Variants in SIK3 observed in about 807,000 individuals in gnomAD.
The protein encoded by SIK3 is SIK family kinase 3.
In SIK3, 28 loss-of-function variants were observed where a neutral mutation model predicts 144.2. The ratio of observed to expected loss-of-function variants is 0.19; its 90% CI spans 0.14 to 0.27. SIK3 has a LOEUF of 0.27. Ranked by LOEUF, SIK3 falls within the 10% of genes least tolerant of loss-of-function variation. SIK3 has a pLI of 1.00. For synonymous variants in SIK3, 686 were observed against 676.3 expected, an observed-to-expected ratio of 1.01 and a Z score of -0.22; for missense variants, 1,319 against 1,776.0, an observed-to-expected ratio of 0.74 and a Z score of 4.62.
At chr11:116,895,447 G>A (rs1313116548) in intron 6 of SIK3, among the ~76,000 whole-genome samples, 3 of 152,188 alleles carry the variant, frequency 2.0e-5, no homozygotes, top group Admixed American at 2.0e-4. Context: ...TCAGTTCAAA[G>A]GAGCCAAGTT....
chr11:117,069,691 T>C (rs1186225158), intron 1 of SIK3, among the ~76,000 whole-genome samples: 1 of 152,148 alleles, frequency 6.6e-6, no homozygotes, highest in Non-Finnish European at 1.5e-5. Context: ...GTACCCTCTA[T>C]TCTCCTTCTT....
chr11:117,049,973 A>T (rs1953154397), intron 1 of SIK3, among the ~76,000 whole-genome samples: 1 of 143,428 alleles, frequency 7.0e-6, no homozygotes, highest in South Asian at 2.2e-4. Flanking sequence ...AAAAAAAAAT[A>T]GGATCTTATA....
intron 1 of SIK3, among the ~76,000 whole-genome samples, chr11:116,962,216 T>C (rs1197165983): frequency 6.6e-6 from 1 of 152,082 alleles, no homozygotes; most frequent in Non-Finnish European, 1.5e-5. Flanking sequence ...CAGAAATAAA[T>C]GCCCTATAGC....
At chr11:117,017,122 T>A (rs541003565) in intron 1 of SIK3, among the ~76,000 whole-genome samples, 32 of 152,332 alleles carry the variant, frequency 2.1e-4, no homozygotes, top group Non-Finnish European at 4.1e-4. Context: ...CTGAGTGCAA[T>A]GGCACGTGCC....
chr11:116,937,229 C>A (rs1051322710), intron 3 of SIK3, among the ~76,000 whole-genome samples: 13 of 152,044 alleles, frequency 8.6e-5, no homozygotes, highest in African/African-American at 2.9e-4. Context: ...AGGGAAAATA[C>A]AAATATGCAT....
At chr11:117,086,510 G>A (rs1010616630) in intron 1 of SIK3, among the ~76,000 whole-genome samples, 19 of 152,134 alleles carry the variant, frequency 1.2e-4, no homozygotes, top group African/African-American at 4.3e-4. Flanking sequence ...CCAGCATGGT[G>A]AAACCCCGTC....
intron 4 of SIK3, among the ~76,000 whole-genome samples, chr11:116,921,978 C>T (rs915221565): frequency 1.3e-5 from 2 of 151,570 alleles, no homozygotes; most frequent in Admixed American, 6.6e-5. Flanking sequence ...GACTCAAACT[C>T]CTAAGTCCAA....
At chr11:116,963,914 C>G (rs1949433975) in intron 1 of SIK3, among the ~76,000 whole-genome samples, 1 of 152,130 alleles carries the variant, frequency 6.6e-6, no homozygotes, top group Non-Finnish European at 1.5e-5. Flanking sequence ...AAAAGAACCC[C>G]AAACCAACAC....
At chr11:116,993,625 A>C (rs1346014682) in intron 1 of SIK3, among the ~76,000 whole-genome samples, 2 of 152,168 alleles carry the variant, frequency 1.3e-5, no homozygotes, top group Non-Finnish European at 2.9e-5. Context: ...CTAAAGCAGC[A>C]ATGAAAAAAC....
rs75616904 is a variant in SIK3, at chr11:116,939,774, T to C, written c.455-12394A>G. Among the ~76,000 whole-genome samples, 1,454 of 152,312 alleles carry C rather than the reference T, an allele frequency of 9.5e-3. 25 individuals are homozygous for C. Among genetic ancestry groups the C allele is most frequent in the African/African-American group, 0.033 (1,362 of 41,562 alleles). On this transcript the variant is annotated intron_variant, in intron 3 of 24. Coordinates refer to ENST00000445177, the MANE Select transcript of SIK3 (RefSeq NM_001366686.3). ...TATATGATCAGCCAAATTCCAAATG[T>C]AGGACATTTTTTAAGACAATCCAGT... is the stretch of plus-strand genomic sequence containing the variant.
intron 1 of SIK3, among the ~76,000 whole-genome samples, chr11:116,969,647 A>C (rs1949699412): frequency 6.6e-6 from 1 of 152,220 alleles, no homozygotes; most frequent in African/African-American, 2.4e-5. Context: ...TCTGGGTAGA[A>C]AACAGCACAG....
chr11:116,960,606 A>C (rs927870396), intron 1 of SIK3, among the ~76,000 whole-genome samples: 19 of 152,240 alleles, frequency 1.2e-4, no homozygotes, highest in African/African-American at 4.6e-4. Context: ...AAGGACTCTG[A>C]AGACAAGCTA....
chr11:116,875,507 G>T, intron 9 of SIK3, 56 bp from the exon 10 acceptor site: 2 of 1,555,760 alleles, frequency 1.3e-6, no homozygotes, highest in Non-Finnish European at 1.8e-6. Context: ...GAGAAATAAT[G>T]AGTCTTTCCA....
At chr11:116,887,099 T>C (rs567731682) in intron 6 of SIK3, among the ~76,000 whole-genome samples, 3 of 152,138 alleles carry the variant, frequency 2.0e-5, no homozygotes, top group East Asian at 3.9e-4. Context: ...CAATAACTCA[T>C]ATAACAAAAC....
intron 6 of SIK3, among the ~76,000 whole-genome samples, chr11:116,887,237 C>G (rs983782724): frequency 2.9e-5 from 3 of 105,200 alleles, no homozygotes; most frequent in Non-Finnish European, 3.8e-5. Flanking sequence ...AAAATCTTGT[C>G]TCTACACTAA....
rs576134850 is a variant in SIK3, at chr11:117,047,846, A to T, written c.273+50297T>A. On this transcript the variant is annotated intron_variant, in intron 1 of 24. Transcript: ENST00000445177. Reference sequence around the variant, plus strand: ...ATTGTTTATGAAAAAATGTTATTCAATGAGAACATCTAGATCGTACTGATT... The same window carrying T: ...ATTGTTTATGAAAAAATGTTATTCATTGAGAACATCTAGATCGTACTGATT... 8.1e-4 allele frequency among the ~76,000 whole-genome samples: 123 copies of T among 152,342 alleles called. 1 individual carries two copies. Among genetic ancestry groups the T allele is most frequent in the Non-Finnish European group, 1.5e-3 (99 of 68,022 alleles).
chr11:116,927,079 C>G, intron 4 of SIK3, 140 bp downstream of exon 4: 2 of 557,460 alleles, frequency 3.6e-6, no homozygotes, highest in East Asian at 3.4e-5. Context: ...AATTTTCAGG[C>G]TATTTTTTTT....
chr11:116,900,865 ATTT>A (rs111403613), intron 4 of SIK3, among the ~76,000 whole-genome samples: 13 of 145,648 alleles, frequency 8.9e-5, no homozygotes, highest in African/African-American at 2.6e-4. Flanking sequence ...TATATTATTT[ATTT>A]TTTTTTTTTT....
intron 5 of SIK3, 21 bp from the exon 6 acceptor site, chr11:116,896,397 A>T: frequency 6.2e-7 from 1 of 1,611,172 alleles, no homozygotes; most frequent in Non-Finnish European, 8.5e-7. Context: ...AACAGAGAGG[A>T]TGTACAATTA....
Sources: gnomAD v4.1 joint callset for allele counts (sites outside exome capture counted in the v4.1 genomes callset) on GRCh38, gnomAD v4.1.1 for gene constraint, MANE v1.5 for transcripts, NCBI Gene and HGNC (gene_info 2026-07-23, HGNC 2026-07-21) for gene names.